Variants in DMD observed in about 807,000 individuals in gnomAD.
DMD encodes mutant dystrophin.
Under a neutral mutation model 330.1 loss-of-function variants are expected in DMD, and 63 were observed. The ratio of observed to expected loss-of-function variants is 0.19; its 90% confidence interval spans 0.16 to 0.24. The LOEUF is 0.24. DMD is among the 10% of genes least tolerant of loss of function. The probability of loss-of-function intolerance (pLI) is 1.00; values close to 1 mark genes in which losing one functional copy is unlikely to be tolerated. For synonymous variants in DMD, 1,223 were observed against 959.8 expected (o/e 1.27, Z -5.07); for missense variants, 3,344 against 2,684.1 (o/e 1.25, Z -5.43).
At chrX:32,653,263 G>T (rs2060301679) in intron 9 of DMD, among the ~76,000 whole-genome samples, 1 of 111,828 alleles carries the variant, frequency 8.9e-6, no homozygotes, top group South Asian at 3.7e-4. Flanking sequence ...TATTGCCTAG[G>T]TTTTCTTCTA....
At chrX:31,287,325 C>T (rs1490114858) in intron 62 of DMD, among the ~76,000 whole-genome samples, 1 of 112,086 alleles carries the variant, frequency 8.9e-6, no homozygotes, top group African/African-American at 3.2e-5. Context: ...CTGAAAATTT[C>T]TCTGTCTGCC....
At chrX:32,030,035 A>C (rs1341530197) in intron 44 of DMD, among the ~76,000 whole-genome samples, 1 of 112,139 alleles carries the variant, frequency 8.9e-6, no homozygotes, top group Non-Finnish European at 1.9e-5. Flanking sequence ...TCTAAGCCTG[A>C]GAGGAGATGA....
chrX:32,809,929 A>AAAAAAAAAAAAAAAAAAAAAAAG (rs2077229205), intron 6 of DMD, among the ~76,000 whole-genome samples: 1 of 86,639 alleles, frequency 1.2e-5, no homozygotes, highest in African/African-American at 4.1e-5. Context: ...CAAAAAAAAA[A>AAAAAAAAAAAAAAAAAAAAAAAG]AAAAAAAAAA....
At chrX:33,235,312 C>T (rs1400205230) in intron 1 of DMD, among the ~76,000 whole-genome samples, 2 of 111,821 alleles carry the variant, frequency 1.8e-5, no homozygotes, top group South Asian at 3.7e-4. Context: ...AAATGACTGC[C>T]TTCCTTCAGG....
chrX:31,554,606 TA>T (rs906680619), intron 55 of DMD, among the ~76,000 whole-genome samples: 1 of 111,835 alleles, frequency 8.9e-6, no homozygotes, highest in Non-Finnish European at 1.9e-5. Flanking sequence ...AATATATTAT[TA>T]TTTTTTATTT....
intron 2 of DMD, among the ~76,000 whole-genome samples, chrX:33,017,927 G>GAT (rs1329590563): frequency 3.6e-5 from 4 of 112,168 alleles, no homozygotes; most frequent in African/African-American, 6.5e-5. Context: ...ATTGCCAAAT[G>GAT]ATATATATAT....
Position 31,444,582 on chromosome X carries a change from C to T in DMD, c.8983G>A (p.Val2995Ile), listed in dbSNP as rs148643665. ...GTAAGCTGGCGAGCAAGGTCATTGACGTGGCTCACGTTCTCTTTCAGAGGC... is the reference window on the plus strand; with the variant it reads ...GTAAGCTGGCGAGCAAGGTCATTGATGTGGCTCACGTTCTCTTTCAGAGGC... Reference protein sequence around the residue: ...IAPLKENVSHVNDLARQLTTL... With the variant: ...IAPLKENVSHINDLARQLTTL... The change falls in exon 60 of 79, where the codon GTC becomes ATC. Residue 2995 changes from valine (V) to isoleucine (I), a missense_variant. Val to Ile is a conservative substitution (Grantham distance 29). Coordinates refer to ENST00000357033, the MANE Select transcript of DMD (RefSeq NM_004006.3). The T allele has an allele frequency of 1.2e-5, 15 of 1,209,869 alleles. No individual in the cohort carries two copies. Among genetic ancestry groups the T allele is most frequent in the South Asian group, 1.2e-4 (7 of 56,802 alleles).
chrX:31,488,888 T>C (rs73212377), intron 57 of DMD, among the ~76,000 whole-genome samples: 4,657 of 111,684 alleles, frequency 0.042, 93 homozygotes, highest in Middle Eastern at 0.083. Flanking sequence ...CTTCCAGTGA[T>C]GTCTCTTTAC....
intron 19 of DMD, among the ~76,000 whole-genome samples, chrX:32,494,234 T>G (rs1241990306): frequency 9.0e-6 from 1 of 111,627 alleles, no homozygotes; most frequent in African/African-American, 3.3e-5. Flanking sequence ...AATATATCAC[T>G]GTAAAAGAAA....
chrX:32,890,507 TGGG>T (rs1197434611), intron 2 of DMD, among the ~76,000 whole-genome samples: 3 of 110,273 alleles, frequency 2.7e-5, no homozygotes, highest in Admixed American at 9.7e-5. Context: ...CAGTGATGCC[TGGG>T]GCACAGTTGA....
At chrX:32,138,759 C>G (rs1422394083) in intron 44 of DMD, among the ~76,000 whole-genome samples, 1 of 111,985 alleles carries the variant, frequency 8.9e-6, no homozygotes, top group Non-Finnish European at 1.9e-5. Context: ...AGCTACAGCT[C>G]CTGTCATGCC....
intron 4 of DMD, among the ~76,000 whole-genome samples, chrX:32,823,903 T>G (rs2078485831): frequency 1.8e-5 from 2 of 111,654 alleles, no homozygotes; most frequent in Admixed American, 1.9e-4. Flanking sequence ...TTTATTTGCC[T>G]TAATCAAGGC....
At chrX:31,896,126 A>C (rs2094328448) in intron 47 of DMD, among the ~76,000 whole-genome samples, 1 of 101,924 alleles carries the variant, frequency 9.8e-6, no homozygotes, top group Non-Finnish European at 2.0e-5. Flanking sequence ...GTTATTGTAC[A>C]AGATAACTTG....
rs761242404 is a variant in DMD, at chrX:32,111,922, T to C, written c.6438+104994A>G. On this transcript the variant is annotated intron_variant, in intron 44 of 78. Transcript: ENST00000357033. Reference sequence around the variant, plus strand: ...GCTAGGATTTATTATACAGAGGATATTGTTTTATTATCTATGGCAATAAAT... The same window carrying C: ...GCTAGGATTTATTATACAGAGGATACTGTTTTATTATCTATGGCAATAAAT... 6.2e-5 allele frequency among the ~76,000 whole-genome samples: 7 copies of C among 112,298 alleles called. No homozygotes were observed. The South Asian group carries it at 1.5e-3, about 23-fold the overall frequency.
At chrX:31,154,395 A>G (rs889685971) in intron 74 of DMD, among the ~76,000 whole-genome samples, 11 of 109,299 alleles carry the variant, frequency 1.0e-4, no homozygotes, top group African/African-American at 3.3e-4. Flanking sequence ...TCCTGGGTTC[A>G]CATTCTCCTG....
chrX:32,612,877 G>A (rs765858292), intron 12 of DMD, among the ~76,000 whole-genome samples: 1 of 110,399 alleles, frequency 9.1e-6, no homozygotes, highest in Non-Finnish European at 1.9e-5. Context: ...GTAAGGGCTG[G>A]CCCCATTTGT....
intron 1 of DMD, among the ~76,000 whole-genome samples, chrX:33,238,112 G>C (rs1228124934): frequency 1.8e-5 from 2 of 112,211 alleles, no homozygotes; most frequent in African/African-American, 6.5e-5. Context: ...AAGCACTATG[G>C]TGTGCCACTT....
At chrX:31,562,322 T>C (rs1293266385) in intron 55 of DMD, among the ~76,000 whole-genome samples, 1 of 112,350 alleles carries the variant, frequency 8.9e-6, no homozygotes, top group African/African-American at 3.2e-5. Context: ...TCTGTAGTAT[T>C]GATTCTCAGA....
At chrX:33,123,754 TAAAAC>T (rs1331149758) in intron 1 of DMD, among the ~76,000 whole-genome samples, 1 of 108,916 alleles carries the variant, frequency 9.2e-6, no homozygotes, top group Non-Finnish European at 1.9e-5. Context: ...AGTCCAATAT[TAAAAC>T]AAACGAAAAC....
Sources: gnomAD v4.1 joint callset for allele counts (sites outside exome capture counted in the v4.1 genomes callset) on GRCh38, gnomAD v4.1.1 for gene constraint, MANE v1.5 for transcripts, NCBI Gene and HGNC (gene_info 2026-07-23, HGNC 2026-07-21) for gene names.